Variants in SLC47A2 observed in about 807,000 individuals in gnomAD.
SLC47A2 encodes solute carrier family 47 member 2.
SLC47A2 carries 52 observed loss-of-function variants against 67.7 expected under a neutral mutation model. The ratio of observed to expected loss-of-function variants is 0.77; its 90% CI spans 0.61 to 0.97. SLC47A2 has a LOEUF of 0.97. SLC47A2 is among the 50% of genes least tolerant of loss of function. SLC47A2 has a pLI of 0.00. For synonymous variants in SLC47A2, 278 were observed against 292.9 expected, an observed-to-expected ratio of 0.95 and a Z score of 0.52; for missense variants, 676 against 712.3, an observed-to-expected ratio of 0.95 and a Z score of 0.58.
chr17:19,680,519 G>A (rs2085290503), intron 15 of SLC47A2, among the ~76,000 whole-genome samples: 1 of 152,120 alleles, frequency 6.6e-6, no homozygotes, highest in Admixed American at 6.6e-5. Flanking sequence ...TGTTTATCCA[G>A]CATCTTAAGT....
chr17:19,682,999 G>T (rs1283472768), intron 13 of SLC47A2, among the ~76,000 whole-genome samples: 1 of 152,188 alleles, frequency 6.6e-6, no homozygotes, highest in Non-Finnish European at 1.5e-5. Context: ...TGAGAGGTGG[G>T]GAGTATTTTG....
intron 13 of SLC47A2, among the ~76,000 whole-genome samples, chr17:19,695,927 T>C (rs2085653293): frequency 6.6e-6 from 1 of 151,486 alleles, no homozygotes; most frequent in Non-Finnish European, 1.5e-5. Flanking sequence ...GTTTCACCAT[T>C]TTGGCCAGGC....
chr17:19,699,931 A>G (rs891590381), intron 13 of SLC47A2, among the ~76,000 whole-genome samples: 2 of 152,336 alleles, frequency 1.3e-5, no homozygotes. Flanking sequence ...ATACAATGGA[A>G]CTACTCGGTA....
chr17:19,698,755 G>A (rs1182155962), intron 13 of SLC47A2, among the ~76,000 whole-genome samples: 1 of 152,102 alleles, frequency 6.6e-6, no homozygotes, highest in African/African-American at 2.4e-5. Flanking sequence ...AAGTGTACAG[G>A]TCAGCAGTGT....
upstream of SLC47A2, chr17:19,716,845 C>T (rs2086281313): frequency 5.1e-6 from 2 of 390,802 alleles, no homozygotes; most frequent in Middle Eastern, 6.9e-4. Context: ...AGTAAGGCCT[C>T]AGCAGGAGAA....
At position 19,705,496 on chromosome 17, in the gene SLC47A2, G is replaced by T. The variant is rs1313207972; in HGVS notation, c.849C>A (p.Leu283=). The T allele has an allele frequency of 6.2e-7, 1 of 1,608,066 alleles. No homozygotes were observed. Among genetic ancestry groups the T allele is most frequent in the Non-Finnish European group, 8.5e-7 (1 of 1,178,012 alleles). ...CCTGGGCAGAGAGATCCACCACACT[G>T]AGCAGCCCTAGAGAAGAGGCCCGCC... ...YEIGSFLMGL[L]SVVDLSAQAV... Residue 283 remains leucine (L), a synonymous_variant, in exon 10 of 17, where the codon CTC becomes CTA. Transcript: ENST00000433844.
intron 13 of SLC47A2, among the ~76,000 whole-genome samples, chr17:19,683,043 A>C (rs1320983072): frequency 1.3e-5 from 2 of 152,204 alleles, no homozygotes; most frequent in East Asian, 3.8e-4. Context: ...GAGGTAATGC[A>C]CTGGGGTTAG....
intron 7 of SLC47A2, 97 bp downstream of exon 7, chr17:19,708,205 A>T: frequency 7.2e-7 from 1 of 1,395,366 alleles, no homozygotes; most frequent in Non-Finnish European, 9.9e-7. Context: ...AGGACGGCAC[A>T]GGCAGGGCCA....
chr17:19,678,518 A>C lies in SLC47A2; in HGVS notation c.*168T>G, dbSNP rs1597580924. 3 of 663,062 alleles carry C rather than the reference A, an allele frequency of 4.5e-6. No homozygotes were observed. The highest frequency in any genetic ancestry group is 5.6e-5 in the Admixed American group (2 of 35,682). The allele number at this position is 663,062 out of a possible 1,614,324, so 41.1% of individuals were successfully genotyped here. On this transcript the variant is annotated 3_prime_UTR_variant, in exon 17 of 17. Coordinates refer to ENST00000433844, the MANE Select transcript of SLC47A2 (RefSeq NM_001099646.3). ...CAGAACAGAATTGTCAAGTCTGTTC[A>C]GACCCCTCTGAGTGTCACCACAAGG... is the stretch of plus-strand genomic sequence containing the variant.
rs760052811 is a variant in SLC47A2, at chr17:19,715,223, G to A, written c.124-6C>T. ...GTCAGCACCTGGAACAGGAACTGGAGGACAGCGGCCAGGTCAGACTCGGGG... is the reference window on the plus strand; with the variant it reads ...GTCAGCACCTGGAACAGGAACTGGAAGACAGCGGCCAGGTCAGACTCGGGG... On this transcript the variant is annotated splice_polypyrimidine_tract_variant and splice_region_variant and intron_variant, in intron 1 of 16. Transcript: ENST00000433844. The A allele has an allele frequency of 3.1e-6, 5 of 1,607,412 alleles. No homozygotes were observed. In the East Asian group the frequency reaches 8.9e-5, roughly 29 times the overall value.
chr17:19,705,367 C>G, intron 10 of SLC47A2, 69 bp downstream of exon 10: 1 of 1,488,934 alleles, frequency 6.7e-7, no homozygotes, highest in East Asian at 2.4e-5. Context: ...TGACAGCCTG[C>G]CCCCCTCCTA....
chr17:19,700,426 G>A (rs2085756995), intron 13 of SLC47A2, among the ~76,000 whole-genome samples: 1 of 152,176 alleles, frequency 6.6e-6, no homozygotes, highest in Admixed American at 6.5e-5. Context: ...CAAGTGACTA[G>A]AGAACTACTG....
intron 5 of SLC47A2, 23 bp from the exon 6 acceptor site, chr17:19,708,783 C>G (rs1410595819): frequency 1.2e-6 from 2 of 1,613,788 alleles, no homozygotes; most frequent in South Asian, 1.1e-5. Context: ...CAAACCCAAA[C>G]AAATCAACAA....
Position 19,704,101 on chromosome 17 carries a change from C to T in SLC47A2, c.987G>A (p.Lys329=). 5 of 1,611,470 alleles carry T rather than the reference C, an allele frequency of 3.1e-6. No individual in the cohort carries two copies. The highest frequency in any genetic ancestry group is 4.2e-6 in the Non-Finnish European group (5 of 1,179,682). Residue 329 remains lysine, a synonymous_variant, in exon 11 of 17, where the codon AAG becomes AAA. Transcript: ENST00000433844. Reference sequence around the variant, plus strand: ...TGAGCACGCCCGAGACGGCCGAGCGCTTGGCCTGCACAGTATCCGCAGCCC... The same window carrying T: ...TGAGCACGCCCGAGACGGCCGAGCGTTTGGCCTGCACAGTATCCGCAGCCC... ...ALGAADTVQA[K]RSAVSGVLSI...
At chr17:19,714,618 C>T in intron 3 of SLC47A2, 103 bp downstream of exon 3, 5 of 1,395,850 alleles carry the variant, frequency 3.6e-6, no homozygotes, top group Non-Finnish European at 5.1e-6. Flanking sequence ...CCATTGCTCC[C>T]AGATCACCTG....
chr17:19,690,033 G>A (rs1440086562), intron 13 of SLC47A2, among the ~76,000 whole-genome samples: 1 of 152,100 alleles, frequency 6.6e-6, no homozygotes, highest in African/African-American at 2.4e-5. Flanking sequence ...CTACAGAGCT[G>A]TAGTAACCAA....
Position 19,712,882 on chromosome 17 carries a change from A to G in SLC47A2, c.444-137T>C, listed in dbSNP as rs569112398. On this transcript the variant is annotated intron_variant, in intron 4 of 16. Transcript: ENST00000433844. ...GCCAGGACTGTGAAACCTCAGCATC[A>G]GGGGCTGCTGCTTCCAGATGGTAAG... The G allele has an allele frequency of 2.5e-4, 195 of 768,334 alleles. 1 individual carries two copies. The African/African-American group carries it at 3.0e-3, about 12-fold the overall frequency. The allele number at this position is 768,334 out of a possible 1,614,324, so 47.6% of individuals were successfully genotyped here.
At chr17:19,707,881 A>G in intron 7 of SLC47A2, 38 bp from the exon 8 acceptor site, 1 of 1,537,998 alleles carries the variant, frequency 6.5e-7, no homozygotes. Context: ...GACTGATGCC[A>G]ACTCTCTGCC....
chr17:19,686,388 G>A (rs529914591), intron 13 of SLC47A2, among the ~76,000 whole-genome samples: 16 of 152,114 alleles, frequency 1.1e-4, no homozygotes, highest in African/African-American at 3.9e-4. Flanking sequence ...CAAGAAGAAA[G>A]GAAGAGAAGA....
Sources: gnomAD v4.1 joint callset for allele counts (sites outside exome capture counted in the v4.1 genomes callset) on GRCh38, gnomAD v4.1.1 for gene constraint, MANE v1.5 for transcripts, NCBI Gene and HGNC (gene_info 2026-07-23, HGNC 2026-07-21) for gene names.